The following DLG2 variants were observed in gnomAD, a reference collection of about 807,000 sequenced individuals.
The protein encoded by DLG2 is discs large MAGUK scaffold protein 2, also known as disks large homolog 2.
DLG2 carries 45 observed loss-of-function variants against 132.5 expected under a neutral mutation model. The ratio of observed to expected loss-of-function variants is 0.34; its 90% CI spans 0.27 to 0.44. The LOEUF is 0.44. Among genes scored for constraint, DLG2 ranks in the 20% least tolerant of loss-of-function variants. The pLI is 1.00. For missense variants in DLG2, 1,045 were observed against 1,196.9 expected (o/e 0.87, Z 1.87); for synonymous variants, 424 against 419.6 (o/e 1.01, Z -0.13).
At chr11:84,167,152 T>C (rs2095687167) in intron 8 of DLG2, 2 of 380,524 alleles carry the variant, frequency 5.3e-6, no homozygotes. Flanking sequence ...GAAAAATGTG[T>C]GTGCATGTTT....
At chr11:84,302,054 T>C (rs2098161758) in intron 7 of DLG2, among the ~76,000 whole-genome samples, 1 of 152,086 alleles carries the variant, frequency 6.6e-6, no homozygotes, top group Non-Finnish European at 1.5e-5. Context: ...TGCAGGGACA[T>C]GGATGAAGCT....
chr11:84,533,463 A>G (rs557566071), intron 7 of DLG2, among the ~76,000 whole-genome samples: 2 of 152,334 alleles, frequency 1.3e-5, no homozygotes, highest in Admixed American at 6.5e-5. Context: ...TAGTTACTAT[A>G]TAATATTTAC....
chr11:83,783,110 A>T (rs1264434466), intron 18 of DLG2, among the ~76,000 whole-genome samples: 1 of 152,238 alleles, frequency 6.6e-6, no homozygotes, highest in Non-Finnish European at 1.5e-5. Context: ...AAGTAAGTGC[A>T]TGATAAAATT....
At chr11:85,277,521 T>C (rs552023610) in intron 4 of DLG2, among the ~76,000 whole-genome samples, 26 of 152,252 alleles carry the variant, frequency 1.7e-4, no homozygotes, top group African/African-American at 6.3e-4. Context: ...GATCATATTA[T>C]TGGAAAGTTA....
intron 6 of DLG2, 141 bp from the exon 7 acceptor site, chr11:84,534,872 C>T (rs1591769692): frequency 1.0e-6 from 1 of 976,016 alleles, no homozygotes; most frequent in East Asian, 2.4e-5. Flanking sequence ...TTGCTGCAGA[C>T]TCTTCTGGCG....
chr11:83,987,024 G>C (rs1358797414), intron 11 of DLG2, among the ~76,000 whole-genome samples: 1 of 152,074 alleles, frequency 6.6e-6, no homozygotes, highest in African/African-American at 2.4e-5. Context: ...TGTTCACTCT[G>C]ATGGTAGTTT....
intron 3 of DLG2, among the ~76,000 whole-genome samples, chr11:85,360,517 A>G (rs2084063304): frequency 6.6e-6 from 1 of 151,926 alleles, no homozygotes; most frequent in African/African-American, 2.4e-5. Flanking sequence ...TCCTCCTCAT[A>G]GCTGTAAGTC....
chr11:83,752,983 AGAG>A (rs1459239272), intron 18 of DLG2, among the ~76,000 whole-genome samples: 1 of 152,206 alleles, frequency 6.6e-6, no homozygotes, highest in Non-Finnish European at 1.5e-5. Context: ...GTTTAAGGTA[AGAG>A]GAGAAATAAA....
At chr11:84,835,426 A>C (rs1048040253) in intron 6 of DLG2, among the ~76,000 whole-genome samples, 1 of 151,706 alleles carries the variant, frequency 6.6e-6, no homozygotes, top group Admixed American at 6.6e-5. Flanking sequence ...GGAGTTAATA[A>C]TATTTTCTTC....
chr11:84,613,816 G>A (rs1268500068), intron 6 of DLG2, among the ~76,000 whole-genome samples: 1 of 152,126 alleles, frequency 6.6e-6, no homozygotes, highest in East Asian at 1.9e-4. Context: ...CCTTGCCTAA[G>A]AGCAGCTAAT....
At chr11:85,530,304 T>A (rs2075108978) in intron 3 of DLG2, among the ~76,000 whole-genome samples, 1 of 150,472 alleles carries the variant, frequency 6.6e-6, no homozygotes, top group East Asian at 1.9e-4. Flanking sequence ...CCTTTTTTTA[T>A]TTTTATTTTA....
chr11:85,094,999 T>C (rs1017635024), intron 6 of DLG2, among the ~76,000 whole-genome samples: 2 of 152,178 alleles, frequency 1.3e-5, no homozygotes. Flanking sequence ...AATTTCAATA[T>C]TGTTGTGTCT....
chr11:84,234,739 G>A (rs1161339050), intron 8 of DLG2, among the ~76,000 whole-genome samples: 1 of 152,106 alleles, frequency 6.6e-6, no homozygotes, highest in Non-Finnish European at 1.5e-5. Flanking sequence ...GACTGACAAA[G>A]CTGACTATTT....
intron 19 of DLG2, among the ~76,000 whole-genome samples, chr11:83,569,455 A>G (rs999301739): frequency 6.6e-6 from 1 of 152,156 alleles, no homozygotes; most frequent in Non-Finnish European, 1.5e-5. Flanking sequence ...TCCTTTACAT[A>G]TATTATATCC....
At chr11:85,291,829 C>T (rs2078912453) in intron 3 of DLG2, among the ~76,000 whole-genome samples, 2 of 152,218 alleles carry the variant, frequency 1.3e-5, no homozygotes, top group East Asian at 3.9e-4. Context: ...AAGTGATCCA[C>T]CCGCCTCAGC....
intron 6 of DLG2, among the ~76,000 whole-genome samples, chr11:85,098,307 T>C (rs971319150): frequency 1.3e-5 from 2 of 152,178 alleles, no homozygotes; most frequent in African/African-American, 2.4e-5. Flanking sequence ...ACAGAGAGGA[T>C]TGTATTCCCT....
chr11:85,443,922 A>G (rs2091896752), intron 3 of DLG2, among the ~76,000 whole-genome samples: 1 of 152,232 alleles, frequency 6.6e-6, no homozygotes, highest in Non-Finnish European at 1.5e-5. Flanking sequence ...TTTGTGAAAT[A>G]CAACACAAAT....
chr11:84,893,327 T>C (rs1190913920), intron 6 of DLG2, among the ~76,000 whole-genome samples: 1 of 152,198 alleles, frequency 6.6e-6, no homozygotes, highest in Non-Finnish European at 1.5e-5. Context: ...ATGTGCCTAA[T>C]TCATTTTTTA....
At chr11:85,081,823 C>A (rs930812063) in intron 6 of DLG2, among the ~76,000 whole-genome samples, 6 of 152,156 alleles carry the variant, frequency 3.9e-5, no homozygotes, top group African/African-American at 1.4e-4. Flanking sequence ...TTCCTCCATC[C>A]TTCTGTATAC....
Sources: gnomAD v4.1 joint callset for allele counts (sites outside exome capture counted in the v4.1 genomes callset) on GRCh38, gnomAD v4.1.1 for gene constraint, MANE v1.5 for transcripts, NCBI Gene and HGNC (gene_info 2026-07-23, HGNC 2026-07-21) for gene names.